FHIT: variants seen among roughly 807,000 people sequenced by gnomAD.
FHIT encodes the protein bis(5'-adenosyl)-triphosphatase.
A neutral mutation model predicts 17.9 loss-of-function variants in FHIT; 19 were observed. The observed-to-expected ratio is 1.06, with a 90% CI of 0.74 to 1.56. The LOEUF (loss-of-function observed/expected upper bound fraction) is 1.56, where lower values mean the gene tolerates loss of function less well. FHIT is among the 40% of genes most tolerant of loss of function. The pLI is 0.00. For synonymous variants in FHIT, 81 were observed against 69.7 expected (o/e 1.16, Z -0.81); for missense variants, 248 against 189.2 (o/e 1.31, Z -1.82).
chr3:60,296,260 CAAG>C (rs912966973), intron 5 of FHIT, among the ~76,000 whole-genome samples: 2 of 151,996 alleles, frequency 1.3e-5, no homozygotes, highest in African/African-American at 2.4e-5. Context: ...AACAGGGAAG[CAAG>C]AAGAACTTTC....
At chr3:59,979,732 C>T (rs796212281) in intron 7 of FHIT, among the ~76,000 whole-genome samples, 1 of 152,156 alleles carries the variant, frequency 6.6e-6, no homozygotes, top group African/African-American at 2.4e-5. Context: ...GGGGTTTGGT[C>T]GCTATACTCC....
rs540665467 is a variant in FHIT, at chr3:61,080,839, A to G, written c.-163-38740T>C. Among the ~76,000 whole-genome samples the G allele has an allele frequency of 2.4e-4, 37 of 152,312 alleles. 1 individual carries two copies. The South Asian group carries it at 3.9e-3, about 16-fold the overall frequency. On this transcript the variant is annotated intron_variant, in intron 2 of 9. Transcript: ENST00000492590. The stretch of plus-strand genomic sequence containing the variant: ...TCCTGGCTCCCACAGCAGGAAAAAA[A>G]AAAACAATGAGAAAGTTCATGCCAA...
At chr3:60,756,448 A>G (rs1417434899) in intron 4 of FHIT, among the ~76,000 whole-genome samples, 1 of 152,232 alleles carries the variant, frequency 6.6e-6, no homozygotes, top group East Asian at 1.9e-4. Context: ...CGTCATGGGC[A>G]TGATCAAGCT....
chr3:59,819,557 C>A (rs370459257), intron 8 of FHIT, among the ~76,000 whole-genome samples: 1 of 152,140 alleles, frequency 6.6e-6, no homozygotes, highest in African/African-American at 2.4e-5. Flanking sequence ...CTGCTCCAGT[C>A]CTGGTCCCCT....
At chr3:61,039,903 G>T (rs941325410) in intron 3 of FHIT, among the ~76,000 whole-genome samples, 4 of 152,120 alleles carry the variant, frequency 2.6e-5, no homozygotes, top group African/African-American at 9.7e-5. Flanking sequence ...GGCCACAACA[G>T]CACTTAGAAC....
intron 5 of FHIT, among the ~76,000 whole-genome samples, chr3:60,150,505 G>C (rs1342868577): frequency 6.6e-6 from 1 of 152,092 alleles, no homozygotes; most frequent in Non-Finnish European, 1.5e-5. Context: ...ATTTTTATTT[G>C]AAACAGAGGC....
intron 3 of FHIT, among the ~76,000 whole-genome samples, chr3:61,030,824 G>A (rs2032976024): frequency 6.6e-6 from 1 of 152,200 alleles, no homozygotes; most frequent in Non-Finnish European, 1.5e-5. Context: ...CCGGGATGGG[G>A]GCAGGGGGGT....
chr3:60,966,397 G>A (rs560657943), intron 3 of FHIT, among the ~76,000 whole-genome samples: 9 of 152,340 alleles, frequency 5.9e-5, no homozygotes, highest in South Asian at 4.1e-4. Context: ...CAGGTGAGGC[G>A]ATGTCCCGCC....
intron 1 of FHIT, among the ~76,000 whole-genome samples, chr3:61,214,474 G>T (rs1324496325): frequency 6.6e-6 from 1 of 152,176 alleles, no homozygotes; most frequent in Non-Finnish European, 1.5e-5. Flanking sequence ...TTGGATCTCT[G>T]AATAGACCAA....
At chr3:60,320,157 G>A (rs763726567) in intron 5 of FHIT, among the ~76,000 whole-genome samples, 5 of 152,094 alleles carry the variant, frequency 3.3e-5, no homozygotes, top group Admixed American at 6.6e-5. Flanking sequence ...ATCCAAGTAC[G>A]TTGACACTCT....
chr3:60,208,394 T>C (rs1370980382), intron 5 of FHIT, among the ~76,000 whole-genome samples: 1 of 152,218 alleles, frequency 6.6e-6, no homozygotes, highest in Non-Finnish European at 1.5e-5. Flanking sequence ...GTAAATTCAT[T>C]TTCTGAAATT....
intron 5 of FHIT, among the ~76,000 whole-genome samples, chr3:60,369,937 A>G (rs1252216234): frequency 6.6e-6 from 1 of 152,230 alleles, no homozygotes; most frequent in Non-Finnish European, 1.5e-5. Flanking sequence ...CTTTTAAGCC[A>G]AAGAGAAAAA....
intron 5 of FHIT, among the ~76,000 whole-genome samples, chr3:60,446,036 G>A (rs1307179304): frequency 6.6e-6 from 1 of 152,070 alleles, no homozygotes; most frequent in East Asian, 1.9e-4. Flanking sequence ...AGCAGCAGTT[G>A]GAAACTGAAA....
At chr3:59,960,763 A>T (rs2107343803) in intron 7 of FHIT, among the ~76,000 whole-genome samples, 1 of 152,286 alleles carries the variant, frequency 6.6e-6, no homozygotes, top group Admixed American at 6.5e-5. Flanking sequence ...TCTATTTTTA[A>T]TTACACTTCC....
chr3:60,230,494 G>A lies in FHIT; in HGVS notation c.104-216342C>T, dbSNP rs548802020. Among the ~76,000 whole-genome samples, 7 of 152,022 alleles carry A rather than the reference G, an allele frequency of 4.6e-5. 1 individual carries two copies. The highest frequency in any genetic ancestry group is 1.7e-4 in the African/African-American group (7 of 41,470). On this transcript the variant is annotated intron_variant, in intron 5 of 9. Coordinates refer to ENST00000492590, the MANE Select transcript of FHIT (RefSeq NM_002012.4). ...TTTTCCAGAAAAAAAATCACTTTCCGAGACTCCTTATTTTTAAAAATCGCA... is the reference window on the plus strand; with the variant it reads ...TTTTCCAGAAAAAAAATCACTTTCCAAGACTCCTTATTTTTAAAAATCGCA...
At chr3:60,632,621 G>A (rs541887663) in intron 4 of FHIT, among the ~76,000 whole-genome samples, 4 of 152,234 alleles carry the variant, frequency 2.6e-5, no homozygotes, top group African/African-American at 2.4e-5. Flanking sequence ...AGAATACCTC[G>A]GAGATAAACT....
chr3:60,815,471 C>T (rs1377045545), intron 4 of FHIT, among the ~76,000 whole-genome samples: 1 of 152,110 alleles, frequency 6.6e-6, no homozygotes, highest in Admixed American at 6.5e-5. Context: ...CCAGTTATCC[C>T]AGCGCCATTT....
intron 8 of FHIT, among the ~76,000 whole-genome samples, chr3:59,820,805 G>A (rs1407679327): frequency 1.3e-5 from 2 of 152,102 alleles, no homozygotes; most frequent in Non-Finnish European, 2.9e-5. Flanking sequence ...TCTGAGTCAG[G>A]GCAAGAGAAA....
intron 4 of FHIT, among the ~76,000 whole-genome samples, chr3:60,720,649 GTGGTGGGACCCA>G (rs1559668786): frequency 6.6e-6 from 1 of 152,130 alleles, no homozygotes; most frequent in Non-Finnish European, 1.5e-5. Flanking sequence ...GAATCTCTAG[GTGGTGGGACCCA>G]TGCACCTGAG....
Sources: gnomAD v4.1 joint callset for allele counts (sites outside exome capture counted in the v4.1 genomes callset) on GRCh38, gnomAD v4.1.1 for gene constraint, MANE v1.5 for transcripts, NCBI Gene and HGNC (gene_info 2026-07-23, HGNC 2026-07-21) for gene names.